SLC8A1: variants seen among roughly 807,000 people sequenced by gnomAD.
SLC8A1 encodes solute carrier family 8 member A1.
A neutral mutation model predicts 68.3 loss-of-function variants in SLC8A1; 18 were observed. That is an observed-to-expected ratio of 0.26 (90% CI 0.18 to 0.39). The LOEUF (loss-of-function observed/expected upper bound fraction) is 0.39, where lower values mean the gene tolerates loss of function less well. Among genes scored for constraint, SLC8A1 ranks in the 10% least tolerant of loss-of-function variants. The pLI is 1.00. For missense variants in SLC8A1, 985 were observed against 1,156.7 expected, an observed-to-expected ratio of 0.85 and a Z score of 2.15; for synonymous variants, 475 against 415.5, an observed-to-expected ratio of 1.14 and a Z score of -1.74.
In SLC8A1 at chr2:40,406,527, G is replaced by C. The variant is rs538946044; in HGVS notation, c.1808+21946C>G. ...AGCTTTTCACTATCAGACAAGTGAGGGTAGGAAAATGGGCCATCACACGAT... is the reference window on the plus strand; with the variant it reads ...AGCTTTTCACTATCAGACAAGTGAGCGTAGGAAAATGGGCCATCACACGAT... On this transcript the variant is annotated intron_variant, in intron 2 of 7. Transcript: ENST00000406785. Among the ~76,000 whole-genome samples, 10 of 152,286 alleles carry C rather than the reference G, an allele frequency of 6.6e-5. No homozygotes were observed. The East Asian group carries it at 1.9e-3, about 29-fold the overall frequency.
At chr2:40,488,478 G>A (rs972539048) in intron 1 of SLC8A1, among the ~76,000 whole-genome samples, 3 of 151,166 alleles carry the variant, frequency 2.0e-5, no homozygotes, top group South Asian at 2.1e-4. Context: ...GTGTGTGCAC[G>A]CATGTGTGTA....
chr2:40,266,989 G>T (rs1473484299), intron 2 of SLC8A1, among the ~76,000 whole-genome samples: 1 of 152,144 alleles, frequency 6.6e-6, no homozygotes, highest in African/African-American at 2.4e-5. Flanking sequence ...GAGGGGGTGA[G>T]GGCTTTCCCT....
intron 7 of SLC8A1, among the ~76,000 whole-genome samples, chr2:40,138,832 A>AG (rs1167228190): frequency 6.6e-6 from 1 of 152,196 alleles, no homozygotes; most frequent in South Asian, 2.1e-4. Context: ...GAATGCATGA[A>AG]GGGATGTTCA....
chr2:40,210,581 G>T (rs1240797918), intron 2 of SLC8A1, among the ~76,000 whole-genome samples: 2 of 152,124 alleles, frequency 1.3e-5, no homozygotes, highest in East Asian at 3.9e-4. Context: ...GGGGAGAAAG[G>T]CCCATTAAGT....
At chr2:40,115,595 G>T in exon 8 of SLC8A1, 1 of 1,611,504 alleles carries the variant, frequency 6.2e-7, no homozygotes, top group South Asian at 1.1e-5. Context: ...CTGCATACTG[G>T]TCCTGGGTGG....
chr2:40,493,075 G>T (rs1417414236), intron 1 of SLC8A1, among the ~76,000 whole-genome samples: 5 of 152,114 alleles, frequency 3.3e-5, no homozygotes, highest in African/African-American at 1.2e-4. Context: ...ATTCACAATA[G>T]CAAAGACTTG....
chr2:40,377,616 T>C (rs1038713032), intron 2 of SLC8A1, among the ~76,000 whole-genome samples: 3 of 152,108 alleles, frequency 2.0e-5, no homozygotes, highest in East Asian at 1.9e-4. Context: ...CCTGTTTTTT[T>C]CTCAAGTAAT....
intron 2 of SLC8A1, among the ~76,000 whole-genome samples, chr2:40,336,725 C>T (rs573943350): frequency 1.3e-4 from 20 of 152,160 alleles, no homozygotes; most frequent in African/African-American, 2.7e-4. Flanking sequence ...CAGCATGTTC[C>T]GCTTTAGGAT....
chr2:40,348,748 A>T (rs1223693541), intron 2 of SLC8A1, among the ~76,000 whole-genome samples: 1 of 150,262 alleles, frequency 6.7e-6, no homozygotes, highest in African/African-American at 2.4e-5. Context: ...GCCCTTAATG[A>T]CTCTTGGTGG....
intron 2 of SLC8A1, among the ~76,000 whole-genome samples, chr2:40,292,450 G>C (rs1294078708): frequency 6.6e-6 from 1 of 152,130 alleles, no homozygotes; most frequent in African/African-American, 2.4e-5. Context: ...AGATTTTTGG[G>C]TTATGCTGCT....
At chr2:40,458,211 A>C (rs970909949) in intron 1 of SLC8A1, among the ~76,000 whole-genome samples, 7 of 152,210 alleles carry the variant, frequency 4.6e-5, no homozygotes, top group Admixed American at 2.0e-4. Context: ...TATTAATAGA[A>C]TATAAAAATG....
At chr2:40,368,819 T>C (rs930828517) in intron 2 of SLC8A1, among the ~76,000 whole-genome samples, 5 of 152,008 alleles carry the variant, frequency 3.3e-5, no homozygotes, top group African/African-American at 4.8e-5. Context: ...CAAAACAACA[T>C]GGTACTGGTA....
At chr2:40,223,162 T>C (rs1027013739) in intron 2 of SLC8A1, among the ~76,000 whole-genome samples, 3 of 152,164 alleles carry the variant, frequency 2.0e-5, no homozygotes, top group Non-Finnish European at 2.9e-5. Flanking sequence ...GTGGCACATA[T>C]ACACCATGGA....
At chr2:40,433,336 A>G (rs1181387026) in intron 1 of SLC8A1, among the ~76,000 whole-genome samples, 1 of 152,176 alleles carries the variant, frequency 6.6e-6, no homozygotes, top group African/African-American at 2.4e-5. Context: ...TTTGCAGATT[A>G]TTCTGTGTCC....
chr2:40,244,156 A>C (rs1261893627), intron 2 of SLC8A1, among the ~76,000 whole-genome samples: 1 of 152,150 alleles, frequency 6.6e-6, no homozygotes, highest in Non-Finnish European at 1.5e-5. Context: ...CTATGTAGAA[A>C]TTTTGAAGCT....
intron 1 of SLC8A1, among the ~76,000 whole-genome samples, chr2:40,478,443 C>T (rs1343286596): frequency 6.6e-6 from 1 of 152,180 alleles, no homozygotes; most frequent in Non-Finnish European, 1.5e-5. Flanking sequence ...AATATGCAAT[C>T]ATTTTTGTAT....
intron 7 of SLC8A1, among the ~76,000 whole-genome samples, chr2:40,129,365 G>A (rs182899734): frequency 1.3e-5 from 2 of 151,316 alleles, no homozygotes; most frequent in East Asian, 3.9e-4. Context: ...TGAGTAGCTG[G>A]GACAACAGGT....
intron 2 of SLC8A1, among the ~76,000 whole-genome samples, chr2:40,238,539 A>T (rs1046771490): frequency 6.5e-4 from 99 of 152,234 alleles, no homozygotes; most frequent in African/African-American, 2.3e-3. Flanking sequence ...AGTACCTCAG[A>T]TGGAAATGCA....
intron 2 of SLC8A1, among the ~76,000 whole-genome samples, chr2:40,225,594 A>C (rs1004446149): frequency 6.6e-6 from 1 of 152,140 alleles, no homozygotes; most frequent in Non-Finnish European, 1.5e-5. Flanking sequence ...AAGGTGCCTA[A>C]TTTCTGTGTA....
Sources: allele counts gnomAD v4.1 joint callset (sites outside exome capture counted in the v4.1 genomes callset), GRCh38; gene constraint gnomAD v4.1.1; transcripts MANE v1.5; gene names NCBI Gene and HGNC (gene_info 2026-07-23, HGNC 2026-07-21).